FBXL7: variants seen among roughly 807,000 people sequenced by gnomAD.
The protein encoded by FBXL7 is F-box and leucine rich repeat protein 7, also known as F-box/LRR-repeat protein 7.
A neutral mutation model predicts 38.3 loss-of-function variants in FBXL7; 12 were observed. That is an observed-to-expected ratio of 0.31 (90% CI 0.20 to 0.51). FBXL7 has a LOEUF of 0.51. Ranked by LOEUF, FBXL7 falls within the 20% of genes least tolerant of loss-of-function variation. The pLI is 0.98. For missense variants in FBXL7, 567 were observed against 676.4 expected, an observed-to-expected ratio of 0.84 and a Z score of 1.79; for synonymous variants, 297 against 300.9, an observed-to-expected ratio of 0.99 and a Z score of 0.13.
chr5:15,825,543 A>G (rs986274043), intron 2 of FBXL7, among the ~76,000 whole-genome samples: 1 of 152,242 alleles, frequency 6.6e-6, no homozygotes, highest in Non-Finnish European at 1.5e-5. Flanking sequence ...GCCAACAGAA[A>G]GAACTCACCT....
intron 2 of FBXL7, among the ~76,000 whole-genome samples, chr5:15,741,695 G>C (rs1735897473): frequency 6.6e-6 from 1 of 152,086 alleles, no homozygotes; most frequent in African/African-American, 2.4e-5. Flanking sequence ...AAAAAAGGAA[G>C]GAAAATATCG....
chr5:15,633,529 AT>A lies in FBXL7; in HGVS notation c.127+17466del, dbSNP rs200461353. Among the ~76,000 whole-genome samples the A allele has an allele frequency of 6.0e-5, 9 of 150,708 alleles. No individual in the cohort carries two copies. The East Asian group carries it at 7.8e-4, about 13-fold the overall frequency. On this transcript the variant is annotated intron_variant, in intron 2 of 3. Transcript: ENST00000504595. ...CATTAGATGCACATACTTCCAACAC[AT>A]TTTTTTTTCTGTTTTATATACATTT...
intron 1 of FBXL7, among the ~76,000 whole-genome samples, chr5:15,554,947 G>A (rs760855808): frequency 2.0e-5 from 3 of 152,204 alleles, no homozygotes; most frequent in Non-Finnish European, 4.4e-5. Context: ...TCAGAGTCAC[G>A]CTGTGAAATA....
intron 2 of FBXL7, among the ~76,000 whole-genome samples, chr5:15,668,117 A>G (rs1226991300): frequency 1.3e-5 from 2 of 152,288 alleles, no homozygotes; most frequent in Non-Finnish European, 1.5e-5. Context: ...TGAGCCATCT[A>G]ATCCAGCAGG....
At position 15,937,217 on chromosome 5, in the gene FBXL7, C is replaced by T; in HGVS notation, c.*31C>T. The T allele has an allele frequency of 6.5e-7, 1 of 1,535,266 alleles. No individual in the cohort carries two copies. ...CAGAGTTCATCCGGCGTTGTATTCA[C>T]ACAAACCTGAACAAAGCAAATTTTT... is the stretch of plus-strand genomic sequence containing the variant. On this transcript the variant is annotated 3_prime_UTR_variant, in exon 4 of 4. Coordinates refer to ENST00000504595, the MANE Select transcript of FBXL7 (RefSeq NM_012304.5).
At chr5:15,650,090 A>T (rs779651320) in intron 2 of FBXL7, among the ~76,000 whole-genome samples, 1 of 152,162 alleles carries the variant, frequency 6.6e-6, no homozygotes, top group Non-Finnish European at 1.5e-5. Flanking sequence ...CATTTCTATC[A>T]TGCTTTCTGG....
At chr5:15,677,878 C>T (rs1232077579) in intron 2 of FBXL7, among the ~76,000 whole-genome samples, 2 of 152,092 alleles carry the variant, frequency 1.3e-5, no homozygotes, top group Admixed American at 6.5e-5. Context: ...TACCCTAACC[C>T]CTCTTTTTCT....
intron 2 of FBXL7, among the ~76,000 whole-genome samples, chr5:15,643,252 C>A (rs1188142829): frequency 6.6e-6 from 1 of 152,186 alleles, no homozygotes; most frequent in African/African-American, 2.4e-5. Context: ...CTTCTTTTCC[C>A]CTTGCTGCAG....
At chr5:15,883,136 C>T (rs1390232089) in intron 2 of FBXL7, among the ~76,000 whole-genome samples, 7 of 151,934 alleles carry the variant, frequency 4.6e-5, no homozygotes, top group Admixed American at 4.6e-4. Flanking sequence ...TATTGTGTAC[C>T]CTTCAAGCAT....
chr5:15,822,055 A>G (rs1738183251), intron 2 of FBXL7, among the ~76,000 whole-genome samples: 1 of 152,028 alleles, frequency 6.6e-6, no homozygotes, highest in Non-Finnish European at 1.5e-5. Context: ...ATGTCCCCTA[A>G]AACATGCAAA....
chr5:15,874,121 A>C (rs1401097428), intron 2 of FBXL7, among the ~76,000 whole-genome samples: 1 of 152,248 alleles, frequency 6.6e-6, no homozygotes, highest in Non-Finnish European at 1.5e-5. Flanking sequence ...CAACATATGC[A>C]AATCAATAAA....
intron 1 of FBXL7, among the ~76,000 whole-genome samples, chr5:15,534,854 A>G (rs1737533883): frequency 6.6e-6 from 1 of 152,072 alleles, no homozygotes; most frequent in Admixed American, 6.5e-5. Flanking sequence ...GGCCATTCTG[A>G]TAGGTGTCTG....
At chr5:15,526,454 T>G (rs1030356251) in intron 1 of FBXL7, among the ~76,000 whole-genome samples, 2 of 152,172 alleles carry the variant, frequency 1.3e-5, no homozygotes, top group Non-Finnish European at 2.9e-5. Flanking sequence ...AAGGCGTCTT[T>G]CGGTTGCCCT....
chr5:15,588,444 T>C (rs1739366537), intron 1 of FBXL7, among the ~76,000 whole-genome samples: 1 of 150,706 alleles, frequency 6.6e-6, no homozygotes, highest in Non-Finnish European at 1.5e-5. Flanking sequence ...TGGAGTGCAG[T>C]GGCACGATCT....
At chr5:15,920,375 T>C (rs931240145) in intron 2 of FBXL7, among the ~76,000 whole-genome samples, 5 of 152,180 alleles carry the variant, frequency 3.3e-5, no homozygotes, top group African/African-American at 1.2e-4. Context: ...AAACAAACGG[T>C]CTCTTTTGCC....
chr5:15,536,565 T>C (rs1737591458), intron 1 of FBXL7, among the ~76,000 whole-genome samples: 1 of 152,230 alleles, frequency 6.6e-6, no homozygotes, highest in South Asian at 2.1e-4. Flanking sequence ...TTTTGGACTT[T>C]CGTGGGGCCT....
chr5:15,714,496 G>GTGTACAATGTGGAATACACAA (rs367929824), intron 2 of FBXL7, among the ~76,000 whole-genome samples: 7 of 150,442 alleles, frequency 4.7e-5, no homozygotes, highest in African/African-American at 1.8e-4. Context: ...GTAATGTGGA[G>GTGTACAATGTGGAATACACAA]TGTACAATGT....
intron 2 of FBXL7, among the ~76,000 whole-genome samples, chr5:15,688,480 C>A (rs1017340148): frequency 1.3e-5 from 2 of 152,166 alleles, no homozygotes; most frequent in Admixed American, 6.5e-5. Context: ...ACTTAGCCAT[C>A]CGGTAACACA....
chr5:15,915,977 G>T (rs984890009), intron 2 of FBXL7, among the ~76,000 whole-genome samples: 7 of 152,140 alleles, frequency 4.6e-5, no homozygotes, highest in Non-Finnish European at 8.8e-5. Flanking sequence ...GATTCAAGAT[G>T]ATTCCTAGGG....
Sources: allele counts gnomAD v4.1 joint callset (sites outside exome capture counted in the v4.1 genomes callset), GRCh38; gene constraint gnomAD v4.1.1; transcripts MANE v1.5; gene names NCBI Gene and HGNC (gene_info 2026-07-23, HGNC 2026-07-21).